The following ARHGAP15 variants were observed in gnomAD, a reference collection of about 807,000 sequenced individuals.
The protein encoded by ARHGAP15 is Rho GTPase activating protein 15.
Under a neutral mutation model 63.7 loss-of-function variants are expected in ARHGAP15, and 51 were observed. That is an observed-to-expected ratio of 0.80 (90% CI 0.64 to 1.01). ARHGAP15 has a LOEUF of 1.01. Ranked by LOEUF, ARHGAP15 falls within the 50% of genes least tolerant of loss-of-function variation. ARHGAP15 has a pLI of 0.00. For missense variants in ARHGAP15, 560 were observed against 564.6 expected, an observed-to-expected ratio of 0.99 and a Z score of 0.08; for synonymous variants, 191 against 193.8, an observed-to-expected ratio of 0.99 and a Z score of 0.12.
At chr2:143,495,861 A>G (rs2104920081) in intron 9 of ARHGAP15, among the ~76,000 whole-genome samples, 1 of 152,348 alleles carries the variant, frequency 6.6e-6, no homozygotes, top group East Asian at 1.9e-4. Context: ...CCACTTTATC[A>G]GTGTTAGTCT....
intron 12 of ARHGAP15, among the ~76,000 whole-genome samples, chr2:143,646,381 G>A (rs151090379): frequency 5.3e-5 from 8 of 152,014 alleles, no homozygotes; most frequent in African/African-American, 1.9e-4. Context: ...CTTATTAGCA[G>A]GGCCTGTCTC....
rs2105068358 is a variant in ARHGAP15, at chr2:143,427,370, A to G, written c.475-8231A>G. ...ACAGTTTGCTTATTTATTAATATTA[A>G]CAGTGTTCTTGTAAAATTGCTACAA... On this transcript the variant is annotated intron_variant, in intron 6 of 13. Coordinates refer to ENST00000295095, the MANE Select transcript of ARHGAP15 (RefSeq NM_018460.4). Among the ~76,000 whole-genome samples the G allele has an allele frequency of 1.3e-5, 2 of 152,296 alleles. 1 individual carries two copies. The highest frequency in any genetic ancestry group is 2.9e-5 in the Non-Finnish European group (2 of 68,030).
intron 12 of ARHGAP15, among the ~76,000 whole-genome samples, chr2:143,686,265 G>GTA (rs1186922085): frequency 3.6e-5 from 1 of 28,082 alleles, no homozygotes; most frequent in Non-Finnish European, 1.4e-4. Context: ...AATTAGCTGG[G>GTA]TGGAGGCTAT....
In ARHGAP15 at chr2:143,381,124, T is replaced by A. The variant is rs376634570; in HGVS notation, c.475-54477T>A. Among the ~76,000 whole-genome samples the A allele has an allele frequency of 5.9e-5, 9 of 152,304 alleles. 1 individual carries two copies. Among genetic ancestry groups the A allele is most frequent in the Admixed American group, 3.9e-4 (6 of 15,288 alleles). ...ACTAATTGTATTAAAACAAGTCTAG[T>A]TGCGTGTATTTAAAACAAGTCTAGT... On this transcript the variant is annotated intron_variant, in intron 6 of 13. Coordinates refer to ENST00000295095, the MANE Select transcript of ARHGAP15 (RefSeq NM_018460.4).
chr2:143,524,744 G>A, intron 10 of ARHGAP15, among the ~76,000 whole-genome samples: 1 of 152,122 alleles, frequency 6.6e-6, no homozygotes, highest in Non-Finnish European at 1.5e-5. Flanking sequence ...AGCGTGGCTG[G>A]ACACCTACTC....
At chr2:143,426,242 A>C (rs1338887345) in intron 6 of ARHGAP15, among the ~76,000 whole-genome samples, 8 of 152,186 alleles carry the variant, frequency 5.3e-5, no homozygotes, top group Admixed American at 5.2e-4. Context: ...CACCTGAGTT[A>C]TTTTTATGTA....
At chr2:143,722,863 G>A (rs1685124343) in intron 13 of ARHGAP15, among the ~76,000 whole-genome samples, 1 of 152,144 alleles carries the variant, frequency 6.6e-6, no homozygotes, top group Non-Finnish European at 1.5e-5. Context: ...GTTATGGGTG[G>A]GGCTGGCAGA....
At chr2:143,716,321 C>T (rs1684810964) in intron 13 of ARHGAP15, among the ~76,000 whole-genome samples, 1 of 152,098 alleles carries the variant, frequency 6.6e-6, no homozygotes, top group South Asian at 2.1e-4. Context: ...ATGGGTGGAG[C>T]CTATTAGATC....
chr2:143,356,797 A>G (rs1232627420), intron 6 of ARHGAP15, among the ~76,000 whole-genome samples: 1 of 152,150 alleles, frequency 6.6e-6, no homozygotes. Flanking sequence ...CATATACAAA[A>G]AGATGCACAG....
intron 10 of ARHGAP15, among the ~76,000 whole-genome samples, chr2:143,542,014 G>A (rs954907187): frequency 3.9e-5 from 6 of 152,206 alleles, no homozygotes; most frequent in Non-Finnish European, 8.8e-5. Context: ...TTGAGCTGTG[G>A]TGGGCTCCAC....
chr2:143,697,882 C>T (rs183589815), intron 12 of ARHGAP15, among the ~76,000 whole-genome samples: 4 of 152,272 alleles, frequency 2.6e-5, no homozygotes, highest in Non-Finnish European at 4.4e-5. Context: ...GAAATGGCCA[C>T]AGTACAAAAA....
At chr2:143,234,827 C>T (rs143661534) in intron 5 of ARHGAP15, among the ~76,000 whole-genome samples, 1 of 152,278 alleles carries the variant, frequency 6.6e-6, no homozygotes, top group East Asian at 1.9e-4. Flanking sequence ...AGTTGTGTTA[C>T]TTTGATATTC....
intron 6 of ARHGAP15, among the ~76,000 whole-genome samples, chr2:143,410,107 G>C (rs146665611): frequency 2.6e-5 from 4 of 152,166 alleles, no homozygotes; most frequent in Non-Finnish European, 5.9e-5. Flanking sequence ...ACATCATTTT[G>C]AAGGGTACTA....
chr2:143,370,858 TA>T (rs1222208217), intron 6 of ARHGAP15, among the ~76,000 whole-genome samples: 1 of 152,210 alleles, frequency 6.6e-6, no homozygotes, highest in Non-Finnish European at 1.5e-5. Flanking sequence ...AAACCCATGT[TA>T]AAAGTTTAAT....
rs35757623 is a variant in ARHGAP15 at position 143,308,935 on chromosome 2, CAAAAA to C, written c.474+58352_474+58356del. Among the ~76,000 whole-genome samples, 297 of 107,350 alleles carry C rather than the reference CAAAAA, an allele frequency of 2.8e-3. 1 individual carries two copies. The highest frequency in any genetic ancestry group is 9.3e-3 in the African/African-American group (275 of 29,506). The allele number at this position is 107,350 out of a possible 152,430, so 70.4% of individuals were successfully genotyped here. A position where few individuals can be genotyped will look rare whatever the true frequency, so the allele number is the denominator to read the frequency against. On this transcript the variant is annotated intron_variant, in intron 6 of 13. Transcript: ENST00000295095. ...ATTTGGTATTGACCTTCCTGGCAGC[CAAAAA>C]AAAAAAAAAAAAAAAAGGAAGAAAA...
In ARHGAP15 at chr2:143,629,186, CAA is replaced by C. The variant is rs5834959; in HGVS notation, c.1138+4931_1138+4932del. Among the ~76,000 whole-genome samples the C allele has an allele frequency of 4.2e-3, 614 of 145,462 alleles. 6 individuals carry two copies. Among genetic ancestry groups the C allele is most frequent in the East Asian group, 7.4e-3 (37 of 5,014 alleles). ...TTTTTAAAATAACTTCTTTTTGGAC[CAA>C]AAAAAAAAAAACCCCATTAATATCA... On this transcript the variant is annotated intron_variant, in intron 12 of 13. Transcript: ENST00000295095.
chr2:143,157,090 A>T (rs1690111487), intron 2 of ARHGAP15, among the ~76,000 whole-genome samples: 1 of 151,988 alleles, frequency 6.6e-6, no homozygotes, highest in African/African-American at 2.4e-5. Flanking sequence ...AGACTGCAAA[A>T]GGAATTATGG....
chr2:143,682,935 T>C (rs565980487), intron 12 of ARHGAP15: 39 of 152,324 alleles, frequency 2.6e-4, no homozygotes, highest in African/African-American at 9.1e-4. Flanking sequence ...TAATTTTCAG[T>C]GCAACTGAAT....
intron 6 of ARHGAP15, among the ~76,000 whole-genome samples, chr2:143,294,836 C>T (rs1219052676): frequency 6.6e-6 from 1 of 152,026 alleles, no homozygotes; most frequent in African/African-American, 2.4e-5. Context: ...GGGACTCTTT[C>T]TGCAAACAGG....
Sources: gnomAD v4.1 joint callset for allele counts (sites outside exome capture counted in the v4.1 genomes callset) on GRCh38, gnomAD v4.1.1 for gene constraint, MANE v1.5 for transcripts, NCBI Gene and HGNC (gene_info 2026-07-23, HGNC 2026-07-21) for gene names.